The following ARID5A variants were observed in gnomAD, a reference collection of about 807,000 sequenced individuals.
ARID5A encodes the protein AT-rich interaction domain 5A.
Under a neutral mutation model 30.5 loss-of-function variants are expected in ARID5A, and 14 were observed. The observed-to-expected ratio is 0.46, with a 90% confidence interval of 0.30 to 0.72. The LOEUF is 0.72. ARID5A is among the 30% of genes least tolerant of loss of function. The pLI, the probability that ARID5A is intolerant of heterozygous loss-of-function variation, is 0.07. For missense variants in ARID5A, 669 were observed against 786.2 expected (o/e 0.85, Z 1.78); for synonymous variants, 338 against 340.4 (o/e 0.99, Z 0.08).
At chr2:96,538,256 C>T in intron 1 of ARID5A, 2 of 985,526 alleles carry the variant, frequency 2.0e-6, no homozygotes, top group Non-Finnish European at 2.4e-6. Flanking sequence ...CCAAATGTGG[C>T]CCAGACTCCG....
In ARID5A at chr2:96,550,621, C is replaced by T. The variant is rs2066018449; in HGVS notation, c.458C>T (p.Pro153Leu). The part of the protein sequence containing the change: ...VRHLKGEDDK[P>L]LPTSKPRKQY... ...CACCTGAAGGGGGAGGATGACAAGC[C>T]GCTGCCCACCTCCAAGCCCAGGAAA... The change falls in exon 6 of 7, where the codon CCG becomes CTG. Residue 153 changes from proline to leucine, a missense_variant. By Grantham distance (98) the Pro-to-Leu change is moderately conservative (BLOSUM62 -3). Transcript: ENST00000357485. This position sits in a 1 kb window ranked among gnomAD's most constrained non-coding sequence, Gnocchi z 6.6. 1.2e-6 allele frequency: 2 copies of T among 1,607,842 alleles called. No homozygotes were observed. The highest frequency in any genetic ancestry group is 1.7e-6 in the Non-Finnish European group (2 of 1,177,816).
chr2:96,543,826 C>T (rs1012745453), intron 1 of ARID5A, among the ~76,000 whole-genome samples: 13 of 152,160 alleles, frequency 8.5e-5, no homozygotes, highest in African/African-American at 2.7e-4. Flanking sequence ...AATAATTAAA[C>T]TTAGTGAGGA....
At chr2:96,548,702 C>T (rs1178813398) in intron 2 of ARID5A, among the ~76,000 whole-genome samples, 2 of 152,228 alleles carry the variant, frequency 1.3e-5, no homozygotes, top group East Asian at 1.9e-4. Context: ...GCTGGATAAA[C>T]GGCATCAGCA....
rs1459652298 is a variant in ARID5A at position 96,550,083 on chromosome 2, T to TG, written c.313-104dup. 2 of 1,532,120 alleles carry TG rather than the reference T, an allele frequency of 1.3e-6. No homozygotes were observed. The highest frequency in any genetic ancestry group is 1.7e-6 in the Non-Finnish European group (2 of 1,145,254). 94.9% of individuals were successfully genotyped at this position (1,532,120 alleles called of 1,614,324 possible). A position where few individuals can be genotyped will look rare whatever the true frequency, so the allele number is the denominator to read the frequency against. On this transcript the variant is annotated intron_variant, in intron 4 of 6. Transcript: ENST00000357485. The surrounding 1 kb of genome is among the most constrained non-coding windows in gnomAD (Gnocchi z 6.6). ...GCCGCTGCTGGAGCCGCAGAGCAGCTGCCAAACTGCAGTCCTTCGAGTCCC... is the reference window on the plus strand; with the variant it reads ...GCCGCTGCTGGAGCCGCAGAGCAGCTGGCCAAACTGCAGTCCTTCGAGTCCC...
intron 1 of ARID5A, among the ~76,000 whole-genome samples, chr2:96,543,883 C>T (rs2065884426): frequency 6.6e-6 from 1 of 152,196 alleles, no homozygotes; most frequent in South Asian, 2.1e-4. Context: ...CCTCTTGCAC[C>T]AGTTTGTCAA....
Position 96,551,123 on chromosome 2 carries a change from G to T in ARID5A, c.595G>T (p.Asp199Tyr). ...GATGATGCCAGGAAAGACCAAAGCA[G>T]ATGCTGCTGACCCAGCACCACTTCC... ...DQMMPGKTKA[D>Y]AADPAPLPSQ... is the part of the protein sequence containing the mutation. The change falls in exon 7 of 7, where the codon GAT becomes TAT. Residue 199 changes from aspartate (D) to tyrosine (Y), a missense_variant. Physicochemically the swap from Asp to Tyr is radical, Grantham distance 160. This residue lies in a region of ARID5A where 548 missense variants were observed against 577.4 expected (regional missense o/e 0.95). Transcript: ENST00000357485. 6.2e-7 allele frequency: 1 copy of T among 1,612,754 alleles called. No individual in the cohort carries two copies. Among genetic ancestry groups the T allele is most frequent in the Non-Finnish European group, 8.5e-7 (1 of 1,179,482 alleles).
rs1315881321 is a variant in ARID5A at position 96,539,644 on chromosome 2, G to T, written c.4+2814G>T. 6.6e-6 allele frequency among the ~76,000 whole-genome samples: 1 copy of T among 152,238 alleles called. No homozygotes were observed. Among genetic ancestry groups the T allele is most frequent in the African/African-American group, 2.4e-5 (1 of 41,460 alleles). ...GAGATAACACCCCTTATTCAAAGAT[G>T]GTGGGTCCTCTGGGCCCTCCCCGAC... On this transcript the variant is annotated intron_variant, in intron 1 of 6. Transcript: ENST00000357485. This position sits in a 1 kb window ranked among gnomAD's most constrained non-coding sequence, Gnocchi z 4.7.
rs951431061 is a variant in ARID5A at position 96,550,404 on chromosome 2, G to C, written c.410+119G>C. ...GGGCAGGGTATGCGCCGTCCTCAGAGCTGCGGGAGCCCAGGCTGGCTGGGC... is the reference window on the plus strand; with the variant it reads ...GGGCAGGGTATGCGCCGTCCTCAGACCTGCGGGAGCCCAGGCTGGCTGGGC... On this transcript the variant is annotated intron_variant, in intron 5 of 6. Transcript: ENST00000357485. The surrounding 1 kb of genome is among the most constrained non-coding windows in gnomAD (Gnocchi z 6.6). 74 of 1,433,044 alleles carry C rather than the reference G, an allele frequency of 5.2e-5. No homozygotes were observed. The Middle Eastern group carries it at 1.0e-3, about 20-fold the overall frequency. 88.8% of individuals were successfully genotyped at this position (1,433,044 alleles called of 1,614,324 possible).
chr2:96,536,859 A>C, intron 1 of ARID5A, 29 bp downstream of exon 1: 1 of 1,224,758 alleles, frequency 8.2e-7, no homozygotes, highest in Non-Finnish European at 1.0e-6. Flanking sequence ...CGGCCCGGAC[A>C]GGGGCTCGGC....
rs1573189522 is a variant in ARID5A at position 96,544,307 on chromosome 2, C to G, written c.5-3095C>G. On this transcript the variant is annotated intron_variant, in intron 1 of 6. Coordinates refer to ENST00000357485, the MANE Select transcript of ARID5A (RefSeq NM_212481.3). ...CAGATTTTCCATGTAGATGAAACAG[C>G]TTTGTATCAGAAGAAGATGTCATCT... Among the ~76,000 whole-genome samples the G allele has an allele frequency of 3.9e-5, 6 of 152,334 alleles. No homozygotes were observed. The South Asian group carries it at 1.2e-3, about 32-fold the overall frequency.
intron 1 of ARID5A, among the ~76,000 whole-genome samples, chr2:96,541,044 C>CTT (rs1010271512): frequency 2.4e-5 from 3 of 126,508 alleles, no homozygotes; most frequent in Non-Finnish European, 1.7e-5. Flanking sequence ...CGCACCTGGC[C>CTT]TTTTTTTTTT....
At chr2:96,547,552 T>G (rs113045278) in intron 2 of ARID5A, 35 bp downstream of exon 2, 68,920 of 1,592,810 alleles carry the variant, frequency 0.043, 3,833 homozygotes, top group African/African-American at 0.28. Flanking sequence ...CCCTGGGCAC[T>G]CTTCCCTGCC....
chr2:96,537,019 C>T lies in ARID5A; in HGVS notation c.4+189C>T, dbSNP rs1278049613. 2.6e-5 allele frequency among the ~76,000 whole-genome samples: 4 copies of T among 152,020 alleles called. No individual in the cohort carries two copies. The highest frequency in any genetic ancestry group is 4.4e-5 in the Non-Finnish European group (3 of 67,968). ...CCCGGCCCGCGGCTTCAGCGCTCCC[C>T]GGCCGGCGCGGAAGGGGTGAGGCTG... On this transcript the variant is annotated intron_variant, in intron 1 of 6. Coordinates refer to ENST00000357485, the MANE Select transcript of ARID5A (RefSeq NM_212481.3). The surrounding 1 kb of genome is among the most constrained non-coding windows in gnomAD (Gnocchi z 4.8).
intron 1 of ARID5A, 119 bp from the exon 2 acceptor site, chr2:96,547,283 C>A: frequency 2.5e-6 from 2 of 809,318 alleles, no homozygotes; most frequent in Non-Finnish European, 3.9e-6. Context: ...AGCCCCTGCA[C>A]TGGCGCCCTC....
chr2:96,547,698 G>T (rs1319946600), intron 2 of ARID5A, among the ~76,000 whole-genome samples, 181 bp downstream of exon 2: 4 of 152,158 alleles, frequency 2.6e-5, no homozygotes, highest in African/African-American at 9.7e-5. Flanking sequence ...TTCAATCTTG[G>T]TTTTTGTAGC....
chr2:96,545,718 G>A (rs2065915280), intron 1 of ARID5A, among the ~76,000 whole-genome samples: 1 of 151,938 alleles, frequency 6.6e-6, no homozygotes, highest in Non-Finnish European at 1.5e-5. Flanking sequence ...CACTTTGGGA[G>A]GCCGAGGTGG....
rs906721858 is a variant in ARID5A at position 96,536,824 on chromosome 2, G to C, written c.-3G>C. Reference sequence around the variant, plus strand: ...GGCGGGCGCCGCGGGACCTCTCCGGGCCATGGGTAAGCGGCTCTGCGGCGC... The same window carrying C: ...GGCGGGCGCCGCGGGACCTCTCCGGCCCATGGGTAAGCGGCTCTGCGGCGC... On this transcript the variant is annotated 5_prime_UTR_variant, in exon 1 of 7. Coordinates refer to ENST00000357485, the MANE Select transcript of ARID5A (RefSeq NM_212481.3). The C allele has an allele frequency of 8.1e-7, 1 of 1,227,246 alleles. No individual in the cohort carries two copies. The highest frequency in any genetic ancestry group is 1.0e-6 in the Non-Finnish European group (1 of 985,000). 76.0% of individuals were successfully genotyped at this position (1,227,246 alleles called of 1,614,324 possible).
At chr2:96,542,210 G>GA (rs1239084032) in intron 1 of ARID5A, among the ~76,000 whole-genome samples, 1 of 152,200 alleles carries the variant, frequency 6.6e-6, no homozygotes, top group Non-Finnish European at 1.5e-5. Flanking sequence ...GACCAAGGGG[G>GA]AGAGGACTCT....
At position 96,552,555 on chromosome 2, in the gene ARID5A, C is replaced by A; in HGVS notation, c.*242C>A. The A allele has an allele frequency of 6.6e-7, 1 of 1,524,076 alleles. No individual in the cohort carries two copies. The highest frequency in any genetic ancestry group is 8.8e-7 in the Non-Finnish European group (1 of 1,140,206). 94.4% of individuals were successfully genotyped at this position (1,524,076 alleles called of 1,614,324 possible). A position where few individuals can be genotyped will look rare whatever the true frequency, so the allele number is the denominator to read the frequency against. On this transcript the variant is annotated 3_prime_UTR_variant, in exon 7 of 7. Transcript: ENST00000357485. ...TAAGGCGCTGGGAGAGGATGGGCAG[C>A]TCCCACTGCCCCAGAGCGGAGCTCG...
Sources: allele counts gnomAD v4.1 joint callset (sites outside exome capture counted in the v4.1 genomes callset), GRCh38; gene constraint gnomAD v4.1.1; regional missense constraint gnomAD v4.1.1; non-coding constraint Gnocchi (gnomAD v3.1); transcripts MANE v1.5; gene names NCBI Gene and HGNC (gene_info 2026-07-23, HGNC 2026-07-21).